Variants in DIAPH2 observed in about 807,000 individuals in gnomAD.
DIAPH2 encodes diaphanous related formin 2, also known as protein diaphanous homolog 2.
Under a neutral mutation model 92.7 loss-of-function variants are expected in DIAPH2, and 35 were observed. That is an observed-to-expected ratio of 0.38 (90% CI 0.29 to 0.50). The LOEUF is 0.50. Among genes scored for constraint, DIAPH2 ranks in the 20% least tolerant of loss-of-function variants. The pLI, the probability that DIAPH2 is intolerant of heterozygous loss-of-function variation, is 0.94. For synonymous variants in DIAPH2, 301 were observed against 280.4 expected (o/e 1.07, Z -0.73); for missense variants, 701 against 819.5 (o/e 0.86, Z 1.77).
chrX:97,197,032 C>T (rs1447484528), intron 22 of DIAPH2, among the ~76,000 whole-genome samples: 3 of 110,782 alleles, frequency 2.7e-5, no homozygotes, highest in Admixed American at 9.7e-5. Flanking sequence ...GTGATCCACC[C>T]GCCTCAGCCT....
Position 97,245,088 on chromosome X carries a change from TA to T in DIAPH2, c.2720-2613del, listed in dbSNP as rs34947451. Among the ~76,000 whole-genome samples, 795 of 94,364 alleles carry T rather than the reference TA, an allele frequency of 8.4e-3. 1 individual carries two copies. The highest frequency in any genetic ancestry group is 0.011 in the Non-Finnish European group (496 of 46,829). 81.9% of individuals were successfully genotyped at this position (94,364 alleles called of 115,157 possible). A position where few individuals can be genotyped will look rare whatever the true frequency, so the allele number is the denominator to read the frequency against. On this transcript the variant is annotated intron_variant, in intron 22 of 26. Transcript: ENST00000324765. ...CCTGGCGACAGAGTGAGACTCCGTC[TA>T]AAAAAAAAAAAAAGCCACATGAGTT...
At chrX:97,297,417 G>A (rs1408330926) in intron 23 of DIAPH2, among the ~76,000 whole-genome samples, 6 of 109,110 alleles carry the variant, frequency 5.5e-5, no homozygotes, top group Non-Finnish European at 7.6e-5. Flanking sequence ...TTTCTTTCTT[G>A]TATAATGTAG....
At chrX:97,353,477 G>A (rs998547895) in intron 24 of DIAPH2, among the ~76,000 whole-genome samples, 1 of 110,934 alleles carries the variant, frequency 9.0e-6, no homozygotes. Flanking sequence ...TGCTGCTTCT[G>A]TGTGTTTTTG....
chrX:96,702,402 A>G (rs2063860572), intron 1 of DIAPH2, among the ~76,000 whole-genome samples: 2 of 112,329 alleles, frequency 1.8e-5, no homozygotes, highest in Non-Finnish European at 3.8e-5. Flanking sequence ...ACTCCTACCC[A>G]CTAGAAACAT....
At chrX:97,316,624 C>G (rs2068843164) in intron 23 of DIAPH2, among the ~76,000 whole-genome samples, 1 of 111,320 alleles carries the variant, frequency 9.0e-6, no homozygotes, top group South Asian at 3.8e-4. Flanking sequence ...CCACTGCACT[C>G]CATCCCGGGC....
intron 22 of DIAPH2, among the ~76,000 whole-genome samples, chrX:97,163,152 A>G (rs1006708639): frequency 3.6e-5 from 4 of 110,179 alleles, no homozygotes; most frequent in African/African-American, 9.9e-5. Flanking sequence ...ATTAATTTTT[A>G]TCTTTCTATT....
chrX:97,518,691 G>A (rs1405235060), intron 26 of DIAPH2, among the ~76,000 whole-genome samples: 1 of 110,826 alleles, frequency 9.0e-6, no homozygotes, highest in Non-Finnish European at 1.9e-5. Context: ...GCGCAAGTGA[G>A]TATAGCTTTA....
chrX:96,738,513 T>C, intron 2 of DIAPH2, 73 bp from the exon 3 acceptor site: 1 of 883,700 alleles, frequency 1.1e-6, no homozygotes, highest in Non-Finnish European at 1.6e-6. Flanking sequence ...GCCGTTTTGA[T>C]GTTTCAATTC....
At chrX:96,999,588 G>A (rs1406318156) in intron 17 of DIAPH2, among the ~76,000 whole-genome samples, 1 of 109,977 alleles carries the variant, frequency 9.1e-6, no homozygotes, top group Non-Finnish European at 1.9e-5. Context: ...TGGCTTAAGT[G>A]TGTCTATGTA....
intron 12 of DIAPH2, among the ~76,000 whole-genome samples, chrX:96,939,687 C>T (rs370307732): frequency 3.3e-5 from 1 of 30,681 alleles, no homozygotes; most frequent in Admixed American, 2.7e-4. Flanking sequence ...TTTTTTGAGA[C>T]GGAGTTTCGC....
intron 17 of DIAPH2, among the ~76,000 whole-genome samples, chrX:97,040,410 C>G (rs2066440752): frequency 9.1e-6 from 1 of 110,438 alleles, no homozygotes. Flanking sequence ...TTGAGCAAGC[C>G]TGCTTGTGGG....
chrX:96,828,989 T>C (rs140061143), intron 4 of DIAPH2, among the ~76,000 whole-genome samples: 1,512 of 112,188 alleles, frequency 0.013, 30 homozygotes, highest in African/African-American at 0.046. Flanking sequence ...AAGTCCTTGA[T>C]AAAATTTAGC....
At chrX:96,889,323 A>AT (rs963142329) in intron 5 of DIAPH2, among the ~76,000 whole-genome samples, 38 of 109,376 alleles carry the variant, frequency 3.5e-4, no homozygotes, top group South Asian at 3.4e-3. Context: ...TGAAAAGCCT[A>AT]TTTTTTTTTC....
At chrX:96,891,758 A>G (rs1297291305) in intron 5 of DIAPH2, among the ~76,000 whole-genome samples, 1 of 111,677 alleles carries the variant, frequency 9.0e-6, no homozygotes, top group African/African-American at 3.3e-5. Flanking sequence ...GGGGTATTTT[A>G]CCCCACGAGG....
intron 26 of DIAPH2, among the ~76,000 whole-genome samples, chrX:97,461,467 C>G (rs1396421210): frequency 1.8e-5 from 2 of 111,500 alleles, no homozygotes; most frequent in Non-Finnish European, 3.8e-5. Flanking sequence ...TTTGGAGTAG[C>G]TAACTAGGTT....
At chrX:97,147,279 G>T (rs2067253995) in intron 22 of DIAPH2, among the ~76,000 whole-genome samples, 1 of 109,000 alleles carries the variant, frequency 9.2e-6, no homozygotes, top group Non-Finnish European at 1.9e-5. Flanking sequence ...GAAAGAAAAT[G>T]GTTGTTACAG....
chrX:96,822,268 C>T (rs2064783479), intron 4 of DIAPH2, among the ~76,000 whole-genome samples: 1 of 111,624 alleles, frequency 9.0e-6, no homozygotes, highest in Non-Finnish European at 1.9e-5. Context: ...ATTATTATGG[C>T]ATGATACAGT....
rs2071604106 is a variant in DIAPH2, at chrX:97,603,070, A to G, written c.*3753A>G. 1 of 110,446 alleles carries G rather than the reference A, an allele frequency of 9.1e-6. No individual in the cohort carries two copies. The highest frequency in any genetic ancestry group is 1.9e-5 in the Non-Finnish European group (1 of 52,909). The allele number at this position is 110,446 out of a possible 1,213,427, so 9.1% of individuals were successfully genotyped here. On this transcript the variant is annotated 3_prime_UTR_variant, in exon 27 of 27. Transcript: ENST00000324765. ...TGCCTAACCTCTTCAGCACTAGCCA[A>G]AGGTTGTCAAGACACACCCTTGGGC... is the stretch of plus-strand genomic sequence containing the variant.
At chrX:97,108,245 A>G (rs991709683) in intron 20 of DIAPH2, among the ~76,000 whole-genome samples, 1 of 111,216 alleles carries the variant, frequency 9.0e-6, no homozygotes, top group Non-Finnish European at 1.9e-5. Context: ...AGACAAGTAC[A>G]TCGTAACACA....
Sources: allele counts gnomAD v4.1 joint callset (sites outside exome capture counted in the v4.1 genomes callset), GRCh38; gene constraint gnomAD v4.1.1; transcripts MANE v1.5; gene names NCBI Gene and HGNC (gene_info 2026-07-23, HGNC 2026-07-21).